The following TSC2 variants were observed in gnomAD, a reference collection of about 807,000 sequenced individuals.
The protein encoded by TSC2 is TSC complex subunit 2.
TSC2 carries 29 observed loss-of-function variants against 202.2 expected under a neutral mutation model. The observed-to-expected ratio is 0.14, with a 90% CI of 0.11 to 0.20. The LOEUF (loss-of-function observed/expected upper bound fraction) is 0.20. Ranked by LOEUF, TSC2 falls within the 10% of genes least tolerant of loss-of-function variation. TSC2 has a pLI of 1.00. For synonymous variants in TSC2, 1,349 were observed against 1,044.0 expected (o/e 1.29, Z -5.63); for missense variants, 2,429 against 2,420.0 (o/e 1.00, Z -0.08).
rs371968111 is a variant in TSC2, at chr16:2,083,235, G to A, written c.3884-460G>A. The A allele has an allele frequency of 2.6e-3, 1,185 of 461,110 alleles. 25 individuals carry two copies. Among genetic ancestry groups the A allele is most frequent in the South Asian group, 0.018 (1,135 of 64,618 alleles). The allele number at this position is 461,110 out of a possible 1,614,324, so 28.6% of individuals were successfully genotyped here. ...CTCTCCTTAGCGTCCCCAGCTGTGG[G>A]TCTGGCTTGGAGTTGGAGGGTGAGC... On this transcript the variant is annotated intron_variant, in intron 32 of 41. Coordinates refer to ENST00000219476, the MANE Select transcript of TSC2 (RefSeq NM_000548.5).
At chr16:2,088,384 T>A in intron 41 of TSC2, 59 bp downstream of exon 41, 2 of 1,611,926 alleles carry the variant, frequency 1.2e-6, no homozygotes, top group South Asian at 2.2e-5. Context: ...GTGGGGCGGG[T>A]GTGTGGGCAG....
rs771499212 is a variant in TSC2 at position 2,083,751 on chromosome 16, C to T, written c.3940C>T (p.Pro1314Ser). Residue 1314 changes from proline (P) to serine (S), a missense_variant, in exon 33 of 42, where the codon CCC becomes TCC. By Grantham distance (74) the Pro-to-Ser change is moderately conservative. Transcript: ENST00000219476. ...GGGCGAGGTTCCTGTGCTGGTGGAG[C>T]CCCCAGGGTTGGAGGACGTTGAGGC... ...SPGEVPVLVE[P>S]PGLEDVEAAL... 3 of 1,607,940 alleles carry T rather than the reference C, an allele frequency of 1.9e-6. No homozygotes were observed. The highest frequency in any genetic ancestry group is 2.5e-6 in the Non-Finnish European group (3 of 1,178,226).
Position 2,085,296 on chromosome 16 carries a change from G to A in TSC2, c.4636G>A (p.Ala1546Thr), listed in dbSNP as rs1332979299. ...CCCATCATACGACACCCACAAGATC[G>A]CCGTCCTGTATGTTGGAGAAGGCCA... is the stretch of plus-strand genomic sequence containing the variant. ...QIPSYDTHKI[A>T]VLYVGEGQSN... Residue 1546 changes from alanine to threonine, a missense_variant, in exon 36 of 42, where the codon GCC (alanine) becomes ACC (threonine). By Grantham distance (58) the Ala-to-Thr change is moderately conservative. Transcript: ENST00000219476. 5.0e-6 allele frequency: 8 copies of A among 1,612,720 alleles called. No individual in the cohort carries two copies. The highest frequency in any genetic ancestry group is 2.2e-5 in the East Asian group (1 of 44,884).
intron 40 of TSC2, 32 bp from the exon 41 acceptor site, chr16:2,088,195 A>T (rs2091115876): frequency 6.2e-7 from 1 of 1,612,278 alleles, no homozygotes; most frequent in Non-Finnish European, 8.5e-7. Flanking sequence ...GTGCCACCTG[A>T]TAGTGAGCTC....
Position 2,088,756 on chromosome 16 carries a change from T to C in TSC2, c.*146T>C, listed in dbSNP as rs2091250407. 5 of 1,187,384 alleles carry C rather than the reference T, an allele frequency of 4.2e-6. No homozygotes were observed. The highest frequency in any genetic ancestry group is 1.5e-5 in the African/African-American group (1 of 64,672). 73.6% of individuals were successfully genotyped at this position (1,187,384 alleles called of 1,614,324 possible). On this transcript the variant is annotated 3_prime_UTR_variant, in exon 42 of 42. Coordinates refer to ENST00000219476, the MANE Select transcript of TSC2 (RefSeq NM_000548.5). ...TGACTTTGTCTGCTTGGTGCGGGGG[T>C]TGGGGGGGTGTCGAGGCTCTAGAAG...
At position 2,076,603 on chromosome 16, in the gene TSC2, G is replaced by T; in HGVS notation, c.2837+18G>T. 1.2e-6 allele frequency: 2 copies of T among 1,612,422 alleles called. No homozygotes were observed. The highest frequency in any genetic ancestry group is 8.5e-7 in the Non-Finnish European group (1 of 1,179,640). Reference sequence around the variant, plus strand: ...CCCAAGAGGTACGGCCTGCGGGGGTGTGCCTGGAGTCGGTGTGGGGTGGGG... The same window carrying T: ...CCCAAGAGGTACGGCCTGCGGGGGTTTGCCTGGAGTCGGTGTGGGGTGGGG... On this transcript the variant is annotated intron_variant, in intron 25 of 41. Transcript: ENST00000219476.
At position 2,074,094 on chromosome 16, in the gene TSC2, C is replaced by T. The variant is rs1166660952; in HGVS notation, c.2356-106C>T. The T allele has an allele frequency of 6.8e-6, 10 of 1,460,698 alleles. No individual in the cohort carries two copies. The East Asian group carries it at 9.4e-5, about 14-fold the overall frequency. 90.5% of individuals were successfully genotyped at this position (1,460,698 alleles called of 1,614,324 possible). ...TGCCCCACAGGCATTCAGGGACTTG[C>T]TAAGCCTCGGCTGTTCTCCCGGTGG... is the stretch of plus-strand genomic sequence containing the variant. On this transcript the variant is annotated intron_variant, in intron 21 of 41. Coordinates refer to ENST00000219476, the MANE Select transcript of TSC2 (RefSeq NM_000548.5).
In TSC2 at chr16:2,060,708, C is replaced by G. The variant is rs1250621196; in HGVS notation, c.1014C>G (p.Ile338Met). The change falls in exon 11 of 42, where the codon ATC (isoleucine) becomes ATG (methionine). Residue 338 changes from isoleucine to methionine, a missense_variant. Coordinates refer to ENST00000219476, the MANE Select transcript of TSC2 (RefSeq NM_000548.5). Reference protein sequence around the residue: ...ACPNEVVSYEIVLSITRLIKK... With the variant: ...ACPNEVVSYEMVLSITRLIKK... ...CGAACGAGGTGGTGTCCTATGAGAT[C>G]GTCCTGTCCATCACCAGGCTCATCA... is the stretch of plus-strand genomic sequence containing the variant. 3 of 1,614,134 alleles carry G rather than the reference C, an allele frequency of 1.9e-6. No individual in the cohort carries two copies. The highest frequency in any genetic ancestry group is 2.5e-6 in the Non-Finnish European group (3 of 1,180,032).
rs2090425460 is a variant in TSC2, at chr16:2,083,761, T to C, written c.3950T>C (p.Leu1317Ser). 3 of 1,610,406 alleles carry C rather than the reference T, an allele frequency of 1.9e-6. No homozygotes were observed. Among genetic ancestry groups the C allele is most frequent in the Non-Finnish European group, 2.5e-6 (3 of 1,179,212 alleles). The change falls in exon 33 of 42, where the codon TTG becomes TCG. Residue 1317 changes from leucine (L) to serine (S), a missense_variant. Leu to Ser is a moderately radical substitution (Grantham distance 145). Transcript: ENST00000219476. The part of the protein sequence containing the change: ...EVPVLVEPPG[L>S]EDVEAALGMD... ...CCTGTGCTGGTGGAGCCCCCAGGGTTGGAGGACGTTGAGGCAGCGCTAGGC... is the reference window on the plus strand; with the variant it reads ...CCTGTGCTGGTGGAGCCCCCAGGGTCGGAGGACGTTGAGGCAGCGCTAGGC...
At chr16:2,069,994 C>T (rs1027387679) in intron 16 of TSC2, among the ~76,000 whole-genome samples, 4 of 152,186 alleles carry the variant, frequency 2.6e-5, no homozygotes, top group African/African-American at 7.2e-5. Flanking sequence ...AACCACTTAC[C>T]TCCAGAGTGC....
intron 25 of TSC2, 134 bp from the exon 26 acceptor site, chr16:2,077,464 C>T (rs551398280): frequency 1.5e-6 from 2 of 1,353,812 alleles, no homozygotes; most frequent in Non-Finnish European, 2.1e-6. Context: ...TCTTTTTGCT[C>T]ATCTCACCCG....
At chr16:2,076,748 A>G in intron 25 of TSC2, 163 bp downstream of exon 25, 1 of 713,294 alleles carries the variant, frequency 1.4e-6, no homozygotes, top group South Asian at 1.7e-5. Flanking sequence ...AACACCCCTC[A>G]GCCCCTCAGC....
At chr16:2,063,420 T>TG (rs1279540541) in intron 14 of TSC2, 1 of 390,518 alleles carries the variant, frequency 2.6e-6, no homozygotes, top group Non-Finnish European at 4.8e-6. Context: ...CCTGTGCACC[T>TG]GCGTGATCGC....
In TSC2 at chr16:2,084,278, G is replaced by C. The variant is rs772309833; in HGVS notation, c.4056G>C (p.Leu1352=). 1 of 1,611,510 alleles carries C rather than the reference G, an allele frequency of 6.2e-7. No homozygotes were observed. Among genetic ancestry groups the C allele is most frequent in the East Asian group, 2.2e-5 (1 of 44,832 alleles). ...QEEKSLHAEE[L]VGRGIPIERV... Reference sequence around the variant, plus strand: ...AGAAGTCGCTCCACGCGGAGGAGCTGGTTGGCAGGGGCATCCCCATCGAGC... The same window carrying C: ...AGAAGTCGCTCCACGCGGAGGAGCTCGTTGGCAGGGGCATCCCCATCGAGC... The change falls in exon 34 of 42, where the codon CTG becomes CTC. Residue 1352 remains leucine, a synonymous_variant. Coordinates refer to ENST00000219476, the MANE Select transcript of TSC2 (RefSeq NM_000548.5).
intron 16 of TSC2, among the ~76,000 whole-genome samples, chr16:2,069,419 C>T (rs960854019): frequency 7.9e-5 from 12 of 151,970 alleles, no homozygotes; most frequent in East Asian, 1.9e-4. Flanking sequence ...TGGGTTCAAG[C>T]GATTCTCCTG....
chr16:2,058,712 T>G (rs2086216143), intron 9 of TSC2, 35 bp from the exon 10 acceptor site: 5 of 1,561,020 alleles, frequency 3.2e-6, no homozygotes, highest in Non-Finnish European at 3.5e-6. Flanking sequence ...GACAGGGCCC[T>G]GCTCACATTC....
chr16:2,066,721 C>T (rs546061554), intron 16 of TSC2, among the ~76,000 whole-genome samples: 19 of 137,142 alleles, frequency 1.4e-4, no homozygotes, highest in African/African-American at 4.5e-4. Flanking sequence ...AGTGCAGTGG[C>T]GCGATCTTGG....
At chr16:2,062,645 C>A in intron 13 of TSC2, 45 bp downstream of exon 13, 1 of 1,547,912 alleles carries the variant, frequency 6.5e-7, no homozygotes. Context: ...GAGCCTGGCC[C>A]TGTCTCTGTC....
chr16:2,086,090 T>A, intron 36 of TSC2, 103 bp from the exon 37 acceptor site: 1 of 1,381,538 alleles, frequency 7.2e-7, no homozygotes, highest in East Asian at 2.4e-5. Flanking sequence ...GCCTCAGGGA[T>A]CAGAGTGGGG....
Sources: gnomAD v4.1 joint callset for allele counts (sites outside exome capture counted in the v4.1 genomes callset) on GRCh38, gnomAD v4.1.1 for gene constraint, MANE v1.5 for transcripts, NCBI Gene and HGNC (gene_info 2026-07-23, HGNC 2026-07-21) for gene names.